Variants in MYO7A observed in about 807,000 individuals in gnomAD.
MYO7A encodes unconventional myosin-VIIa.
In MYO7A, 210 loss-of-function variants were observed where a neutral mutation model predicts 263.8. The ratio of observed to expected loss-of-function variants is 0.80; its 90% CI spans 0.71 to 0.89. The LOEUF is 0.89. MYO7A is among the 40% of genes least tolerant of loss of function. The pLI, the probability that MYO7A is intolerant of heterozygous loss-of-function variation, is 0.00. For synonymous variants in MYO7A, 1,239 were observed against 1,197.3 expected, an observed-to-expected ratio of 1.03 and a Z score of -0.72; for missense variants, 2,820 against 2,968.3, an observed-to-expected ratio of 0.95 and a Z score of 1.16.
At chr11:77,191,857 G>A (rs891045325) in intron 30 of MYO7A, among the ~76,000 whole-genome samples, 194 bp from the exon 31 acceptor site, 1 of 152,250 alleles carries the variant, frequency 6.6e-6, no homozygotes, top group African/African-American at 2.4e-5. Context: ...CCAGAACTGA[G>A]GCTAGGAAGG....
At chr11:77,202,883 C>T (rs965205201) in intron 37 of MYO7A, among the ~76,000 whole-genome samples, 177 bp from the exon 38 acceptor site, 29 of 150,146 alleles carry the variant, frequency 1.9e-4, no homozygotes, top group African/African-American at 6.9e-4. Flanking sequence ...AAGAAAGGCC[C>T]AGTGACTGCC....
rs782384464 is a variant in MYO7A at position 77,179,073 on chromosome 11, G to T, written c.2311G>T (p.Ala771Ser). ...TAACTTTCTGAAGCTGAAGAACGCT[G>T]CCACACTGATCCAGAGGCACTGGCG... ...RSNFLKLKNA[A>S]TLIQRHWRGH... Residue 771 changes from alanine (A) to serine (S), a missense_variant, in exon 20 of 49, where the codon GCC becomes TCC. By Grantham distance (99) the Ala-to-Ser change is moderately conservative. Coordinates refer to ENST00000409709, the MANE Select transcript of MYO7A (RefSeq NM_000260.4). 2.6e-5 allele frequency: 42 copies of T among 1,609,136 alleles called. 2 individuals carry two copies. The East Asian group carries it at 8.9e-4, about 34-fold the overall frequency.
chr11:77,173,625 C>G (rs1353785168), intron 16 of MYO7A, among the ~76,000 whole-genome samples: 1 of 152,126 alleles, frequency 6.6e-6, no homozygotes, highest in Non-Finnish European at 1.5e-5. Flanking sequence ...GGTTGTTTAC[C>G]CAGAGGCCTG....
At chr11:77,137,141 C>A (rs1002736808) in intron 2 of MYO7A, among the ~76,000 whole-genome samples, 2 of 152,122 alleles carry the variant, frequency 1.3e-5, no homozygotes, top group Admixed American at 6.6e-5. Flanking sequence ...TTCGGCTTGA[C>A]TGGGGGAAGG....
At chr11:77,178,517 G>T (rs185024292) in intron 19 of MYO7A, among the ~76,000 whole-genome samples, 2 of 151,954 alleles carry the variant, frequency 1.3e-5, no homozygotes, top group Admixed American at 1.3e-4. Flanking sequence ...CCCATCCTTC[G>T]CTCTTCCTTT....
intron 4 of MYO7A, among the ~76,000 whole-genome samples, chr11:77,148,948 T>C (rs1951774709): frequency 6.6e-6 from 1 of 152,208 alleles, no homozygotes; most frequent in Admixed American, 6.5e-5. Flanking sequence ...CTGAAGTGTT[T>C]GAAGAAAATC....
intron 27 of MYO7A, 172 bp downstream of exon 27, chr11:77,184,887 A>G (rs1209202586): frequency 7.8e-6 from 9 of 1,147,484 alleles, no homozygotes; most frequent in Non-Finnish European, 1.2e-5. Context: ...TAAGCCTCTG[A>G]TTCCTTGTCT....
In MYO7A at chr11:77,199,567, C is replaced by T. The variant is rs1956915553; in HGVS notation, c.4601C>T (p.Ser1534Phe). 1.3e-6 allele frequency: 2 copies of T among 1,540,958 alleles called. No homozygotes were observed. The highest frequency in any genetic ancestry group is 1.8e-6 in the Non-Finnish European group (2 of 1,139,366). ...ECRVWLSLGC[S>F]DLGCAAPHSG... is the part of the protein sequence containing the mutation. ...CGTGTCTGGCTCTCACTGGGCTGCT[C>T]TGATCTTGGCTGTGCTGCGCCTCAC... The change falls in exon 35 of 49, where the codon TCT (serine) becomes TTT (phenylalanine). Residue 1534 changes from serine (S) to phenylalanine (F), a missense_variant. Transcript: ENST00000409709.
chr11:77,160,696 G>A (rs1952912094), intron 11 of MYO7A, among the ~76,000 whole-genome samples: 1 of 152,178 alleles, frequency 6.6e-6, no homozygotes. Context: ...ATAGAGATGA[G>A]AGCCCCAAGG....
At chr11:77,191,950 TG>T in intron 30 of MYO7A, 100 bp from the exon 31 acceptor site, 1 of 1,061,262 alleles carries the variant, frequency 9.4e-7, no homozygotes, top group Non-Finnish European at 1.4e-6. Flanking sequence ...TGCCCCTCGC[TG>T]GGCCTCCGTT....
intron 37 of MYO7A, among the ~76,000 whole-genome samples, 171 bp from the exon 38 acceptor site, chr11:77,202,889 C>T (rs113665941): frequency 1.1e-4 from 17 of 150,972 alleles, no homozygotes; most frequent in African/African-American, 3.9e-4. Flanking sequence ...GGCCCAGTGA[C>T]TGCCAGTGAC....
intron 41 of MYO7A, among the ~76,000 whole-genome samples, 188 bp downstream of exon 41, chr11:77,206,390 T>C (rs1957449238): frequency 6.6e-6 from 1 of 152,246 alleles, no homozygotes; most frequent in Admixed American, 6.5e-5. Context: ...CCTTGGTTCC[T>C]GATCCAACCC....
chr11:77,193,323 T>C (rs902105720), intron 31 of MYO7A, among the ~76,000 whole-genome samples: 1 of 146,664 alleles, frequency 6.8e-6, no homozygotes, highest in African/African-American at 2.7e-5. Flanking sequence ...TGGGTAGTGA[T>C]GATAGTGGTG....
At chr11:77,169,476 C>T (rs1418488898) in intron 15 of MYO7A, among the ~76,000 whole-genome samples, 4 of 152,226 alleles carry the variant, frequency 2.6e-5, no homozygotes, top group Non-Finnish European at 4.4e-5. Flanking sequence ...TTTCATGTCA[C>T]GCTCTGGGGT....
chr11:77,200,011 G>A (rs1025846302), intron 35 of MYO7A, among the ~76,000 whole-genome samples, 193 bp downstream of exon 35: 1 of 152,218 alleles, frequency 6.6e-6, no homozygotes, highest in African/African-American at 2.4e-5. Context: ...GCTTATGCCT[G>A]CAATCCCAGA....
intron 4 of MYO7A, among the ~76,000 whole-genome samples, chr11:77,152,643 A>G (rs1565330660): frequency 6.6e-6 from 1 of 151,896 alleles, no homozygotes; most frequent in Non-Finnish European, 1.5e-5. Context: ...CCATTGATCT[A>G]GTTGCTCTTT....
intron 47 of MYO7A, among the ~76,000 whole-genome samples, chr11:77,213,339 T>G (rs1020934718): frequency 6.6e-6 from 1 of 152,198 alleles, no homozygotes; most frequent in African/African-American, 2.4e-5. Context: ...TGTGCAGGGG[T>G]GACCGTGCAT....
At chr11:77,140,895 C>G (rs1385812516) in intron 2 of MYO7A, among the ~76,000 whole-genome samples, 1 of 152,202 alleles carries the variant, frequency 6.6e-6, no homozygotes, top group African/African-American at 2.4e-5. Context: ...CTCCCATTCA[C>G]ATGAAGAGAG....
intron 1 of MYO7A, among the ~76,000 whole-genome samples, chr11:77,129,771 C>T (rs1555045507): frequency 6.6e-6 from 1 of 152,148 alleles, no homozygotes; most frequent in African/African-American, 2.4e-5. Flanking sequence ...GAGCCATGAA[C>T]CATAAGTGGA....
Sources: gnomAD v4.1 joint callset for allele counts (sites outside exome capture counted in the v4.1 genomes callset) on GRCh38, gnomAD v4.1.1 for gene constraint, MANE v1.5 for transcripts, NCBI Gene and HGNC (gene_info 2026-07-23, HGNC 2026-07-21) for gene names.